Variants in LNPK observed in about 807,000 individuals in gnomAD.
The protein encoded by LNPK is endoplasmic reticulum junction formation protein lunapark.
A neutral mutation model predicts 55.2 loss-of-function variants in LNPK; 29 were observed. The ratio of observed to expected loss-of-function variants is 0.53; its 90% CI spans 0.39 to 0.72. The LOEUF (loss-of-function observed/expected upper bound fraction) is 0.72, where lower values mean the gene tolerates loss of function less well. Among genes scored for constraint, LNPK ranks in the 30% least tolerant of loss-of-function variants. The pLI is 0.00. For synonymous variants in LNPK, 162 were observed against 168.2 expected, an observed-to-expected ratio of 0.96 and a Z score of 0.29; for missense variants, 467 against 494.8, an observed-to-expected ratio of 0.94 and a Z score of 0.53.
chr2:175,968,371 C>A (rs1686478000), intron 6 of LNPK, among the ~76,000 whole-genome samples: 1 of 152,164 alleles, frequency 6.6e-6, no homozygotes, highest in South Asian at 2.1e-4. Context: ...GACTAATATT[C>A]TGAAAAAGCA....
intron 8 of LNPK, among the ~76,000 whole-genome samples, chr2:175,959,719 C>G (rs1212005974): frequency 6.6e-6 from 1 of 152,040 alleles, no homozygotes; most frequent in East Asian, 1.9e-4. Context: ...CAATATTAAC[C>G]TTAAATGTAA....
At chr2:175,994,509 G>T (rs937329235) in intron 2 of LNPK, among the ~76,000 whole-genome samples, 100 of 152,152 alleles carry the variant, frequency 6.6e-4, no homozygotes, top group African/African-American at 2.3e-3. Flanking sequence ...CTTTTGAAAA[G>T]AGCATTTATA....
Position 175,929,017 on chromosome 2 carries a change from A to G in LNPK, c.*950T>C. 3.3e-6 allele frequency: 2 copies of G among 611,094 alleles called. No homozygotes were observed. Among genetic ancestry groups the G allele is most frequent in the African/African-American group, 4.0e-5 (2 of 49,988 alleles). The allele number at this position is 611,094 out of a possible 1,614,324, so 37.9% of individuals were successfully genotyped here. On this transcript the variant is annotated 3_prime_UTR_variant, in exon 13 of 13. Coordinates refer to ENST00000272748, the MANE Select transcript of LNPK (RefSeq NM_030650.3). ...ATAATTTGCTCTAAGCAGAATCTAC[A>G]GATTTATTGTATTGTGAGCTATTCC... is the stretch of plus-strand genomic sequence containing the variant.
rs1404987765 is a variant in LNPK, at chr2:175,929,821, A to C, written c.*146T>G. Reference sequence around the variant, plus strand: ...TTAATACCCAGTATATATAACTTTGAGATGTTCAAATAGCTAGGCAATCTG... The same window carrying C: ...TTAATACCCAGTATATATAACTTTGCGATGTTCAAATAGCTAGGCAATCTG... On this transcript the variant is annotated 3_prime_UTR_variant, in exon 13 of 13. Coordinates refer to ENST00000272748, the MANE Select transcript of LNPK (RefSeq NM_030650.3). The C allele has an allele frequency of 8.9e-6, 13 of 1,455,000 alleles. No homozygotes were observed. The highest frequency in any genetic ancestry group is 1.2e-5 in the Non-Finnish European group (13 of 1,106,554). 90.1% of individuals were successfully genotyped at this position (1,455,000 alleles called of 1,614,324 possible). A position where few individuals can be genotyped will look rare whatever the true frequency, so the allele number is the denominator to read the frequency against.
chr2:175,994,420 A>G (rs1687840241), intron 2 of LNPK: 4 of 530,196 alleles, frequency 7.5e-6, no homozygotes, highest in Non-Finnish European at 7.2e-6. Context: ...TGTACCAAGT[A>G]TAGTTAGACT....
chr2:175,960,461 T>C (rs1250598431), intron 8 of LNPK, among the ~76,000 whole-genome samples: 1 of 151,900 alleles, frequency 6.6e-6, no homozygotes. Context: ...GAATGACTAC[T>C]AGGTAAATAA....
At chr2:175,949,770 G>A (rs1685312697) in intron 8 of LNPK, among the ~76,000 whole-genome samples, 1 of 152,058 alleles carries the variant, frequency 6.6e-6, no homozygotes, top group Non-Finnish European at 1.5e-5. Context: ...ACAAAAGGGA[G>A]AAAATGTAGT....
intron 6 of LNPK, among the ~76,000 whole-genome samples, chr2:175,969,421 G>C (rs1055332923): frequency 2.0e-5 from 3 of 152,154 alleles, no homozygotes; most frequent in African/African-American, 7.2e-5. Flanking sequence ...ACTCTATTGA[G>C]AGATTTTCCC....
chr2:175,934,307 G>A (rs557302697), intron 12 of LNPK, among the ~76,000 whole-genome samples: 11 of 152,078 alleles, frequency 7.2e-5, no homozygotes, highest in South Asian at 4.2e-4. Context: ...CTTGTTCAGC[G>A]CAACCTAATG....
chr2:176,001,473 T>C (rs1291988863), intron 1 of LNPK, among the ~76,000 whole-genome samples: 1 of 152,160 alleles, frequency 6.6e-6, no homozygotes, highest in Non-Finnish European at 1.5e-5. Context: ...CCGTAAACTA[T>C]GAACTGACGG....
intron 8 of LNPK, among the ~76,000 whole-genome samples, chr2:175,959,182 G>A (rs1295365430): frequency 6.6e-6 from 1 of 152,118 alleles, no homozygotes; most frequent in African/African-American, 2.4e-5. Flanking sequence ...ACCTAGCAAG[G>A]TAGGTGAACA....
chr2:175,962,054 G>C (rs1686060169), intron 8 of LNPK, among the ~76,000 whole-genome samples: 1 of 151,998 alleles, frequency 6.6e-6, no homozygotes. Context: ...AAATAAAAGA[G>C]GACACAAACA....
rs138661168 is a variant in LNPK at position 175,933,834 on chromosome 2, T to C, written c.1054+3510A>G. 5.9e-3 allele frequency among the ~76,000 whole-genome samples: 855 copies of C among 146,096 alleles called. 7 individuals are homozygous for C. The highest frequency in any genetic ancestry group is 0.021 in the African/African-American group (819 of 39,470). On this transcript the variant is annotated intron_variant, in intron 12 of 12. Coordinates refer to ENST00000272748, the MANE Select transcript of LNPK (RefSeq NM_030650.3). ...GCAACCTCCGCCTCCCGGATTCAGG[T>C]GATTCTCCTGCCTCAGCCTCCCATG...
intron 9 of LNPK, among the ~76,000 whole-genome samples, chr2:175,946,660 G>A (rs572589790): frequency 6.6e-6 from 1 of 151,988 alleles, no homozygotes; most frequent in Non-Finnish European, 1.5e-5. Context: ...ATCAGCTACT[G>A]CCTAGCCTCA....
intron 8 of LNPK, among the ~76,000 whole-genome samples, chr2:175,948,952 T>C (rs946002586): frequency 6.6e-6 from 1 of 152,142 alleles, no homozygotes; most frequent in Non-Finnish European, 1.5e-5. Flanking sequence ...ATTTTATCTG[T>C]AAAATTAGGA....
chr2:175,952,135 T>C (rs1685453603), intron 8 of LNPK, among the ~76,000 whole-genome samples: 1 of 152,048 alleles, frequency 6.6e-6, no homozygotes, highest in South Asian at 2.1e-4. Context: ...CAAATTTCCT[T>C]AATATGAGTG....
intron 8 of LNPK, 41 bp from the exon 9 acceptor site, chr2:175,947,733 AC>A: frequency 7.2e-7 from 1 of 1,380,538 alleles, no homozygotes; most frequent in Non-Finnish European, 1.0e-6. Context: ...TTTCCAATAT[AC>A]CATATTAGCC....
Position 175,992,307 on chromosome 2 carries a change from C to A in LNPK, c.181G>T (p.Val61Leu). ...SVLYLFTCLIVYLWYLPDEFT... is the reference protein window; with the variant it reads ...SVLYLFTCLILYLWYLPDEFT... ...TCATCAGGAAGATACCACAAATATACAATTAAGCATGTAAACAGATAGAGA... is the reference window on the plus strand; with the variant it reads ...TCATCAGGAAGATACCACAAATATAAAATTAAGCATGTAAACAGATAGAGA... Residue 61 changes from valine (V) to leucine (L), a missense_variant, in exon 4 of 13, where the codon GTA becomes TTA. Coordinates refer to ENST00000272748, the MANE Select transcript of LNPK (RefSeq NM_030650.3). 6.4e-7 allele frequency: 1 copy of A among 1,573,534 alleles called. No individual in the cohort carries two copies.
intron 4 of LNPK, among the ~76,000 whole-genome samples, chr2:175,988,907 G>A (rs2105710778): frequency 6.6e-6 from 1 of 152,158 alleles, no homozygotes; most frequent in East Asian, 1.9e-4. Flanking sequence ...CCAAGTAGCT[G>A]GGACTACAGG....
Sources: gnomAD v4.1 joint callset for allele counts (sites outside exome capture counted in the v4.1 genomes callset) on GRCh38, gnomAD v4.1.1 for gene constraint, MANE v1.5 for transcripts, NCBI Gene and HGNC (gene_info 2026-07-23, HGNC 2026-07-21) for gene names.